VWC2L: variants seen among roughly 807,000 people sequenced by gnomAD.
The protein encoded by VWC2L is von Willebrand factor C domain-containing protein 2-like.
A neutral mutation model predicts 21.6 loss-of-function variants in VWC2L; 10 were observed. The observed-to-expected ratio is 0.46, with a 90% CI of 0.29 to 0.78. The LOEUF is 0.78. Ranked by LOEUF, VWC2L falls within the 30% of genes least tolerant of loss-of-function variation. The probability of loss-of-function intolerance (pLI) is 0.10; values close to 1 mark genes in which losing one functional copy is unlikely to be tolerated. For missense variants in VWC2L, 209 were observed against 277.1 expected (o/e 0.75, Z 1.74); for synonymous variants, 96 against 94.3 (o/e 1.02, Z -0.10).
chr2:214,518,891 C>T (rs973183337), intron 3 of VWC2L, among the ~76,000 whole-genome samples: 2 of 152,284 alleles, frequency 1.3e-5, no homozygotes, highest in South Asian at 2.1e-4. Context: ...AAAGCCCTCT[C>T]ATTTTTAAGG....
chr2:214,553,518 G>A (rs1689827612), intron 3 of VWC2L, among the ~76,000 whole-genome samples: 1 of 152,176 alleles, frequency 6.6e-6, no homozygotes, highest in African/African-American at 2.4e-5. Flanking sequence ...AAGACCTGGA[G>A]TGTCTGGGTT....
At chr2:214,482,648 AATAT>A (rs199718570) in intron 3 of VWC2L, among the ~76,000 whole-genome samples, 2 of 147,652 alleles carry the variant, frequency 1.4e-5, no homozygotes, top group African/African-American at 5.0e-5. Context: ...TTAATAAATA[AATAT>A]ATATATATAT....
At chr2:214,515,007 A>G (rs904553588) in intron 3 of VWC2L, among the ~76,000 whole-genome samples, 2 of 152,208 alleles carry the variant, frequency 1.3e-5, no homozygotes, top group African/African-American at 4.8e-5. Flanking sequence ...TCAAGAAGAG[A>G]TAAAAATGTT....
At position 214,411,526 on chromosome 2, in the gene VWC2L, T is replaced by C. The variant is rs1001798795; in HGVS notation, c.-341T>C. 6.6e-6 allele frequency: 1 copy of C among 152,260 alleles called. No individual in the cohort carries two copies. The highest frequency in any genetic ancestry group is 1.5e-5 in the Non-Finnish European group (1 of 68,062). The allele number at this position is 152,260 out of a possible 1,614,324, so 9.4% of individuals were successfully genotyped here. ...TGGATTTCTACAGGACCAGCTTTGC[T>C]TCTTGCTTTGAATTCTGAAGACAGG... is the stretch of plus-strand genomic sequence containing the variant. On this transcript the variant is annotated 5_prime_UTR_variant, in exon 1 of 4. Coordinates refer to ENST00000312504, the MANE Select transcript of VWC2L (RefSeq NM_001080500.4).
intron 3 of VWC2L, among the ~76,000 whole-genome samples, chr2:214,521,582 T>C (rs1559317115): frequency 6.6e-6 from 1 of 152,260 alleles, no homozygotes; most frequent in Admixed American, 6.5e-5. Flanking sequence ...ACTACATTTG[T>C]TGCCAATAAA....
At chr2:214,446,047 T>G (rs917660206) in intron 3 of VWC2L, among the ~76,000 whole-genome samples, 9 of 152,230 alleles carry the variant, frequency 5.9e-5, no homozygotes, top group Non-Finnish European at 1.2e-4. Flanking sequence ...TTTATGAAAC[T>G]ACGTGAAAAA....
intron 3 of VWC2L, among the ~76,000 whole-genome samples, chr2:214,530,146 A>C (rs899504517): frequency 1.3e-5 from 2 of 152,210 alleles, no homozygotes; most frequent in Non-Finnish European, 2.9e-5. Context: ...TCCTTGGCAA[A>C]GTACTTTTTA....
At chr2:214,572,582 A>T (rs2105935066) in intron 3 of VWC2L, among the ~76,000 whole-genome samples, 1 of 152,236 alleles carries the variant, frequency 6.6e-6, no homozygotes, top group East Asian at 1.9e-4. Flanking sequence ...TAAAGAACTC[A>T]TGGTGGGCTT....
chr2:214,439,240 C>T (rs186596556), intron 3 of VWC2L, among the ~76,000 whole-genome samples: 5 of 151,952 alleles, frequency 3.3e-5, no homozygotes, highest in African/African-American at 9.6e-5. Context: ...AAAACAGAAA[C>T]AGATGAATGA....
In VWC2L at chr2:214,429,740, C is replaced by T. The variant is rs556091809; in HGVS notation, c.391-6889C>T. Among the ~76,000 whole-genome samples, 15 of 152,094 alleles carry T rather than the reference C, an allele frequency of 9.9e-5. No individual in the cohort carries two copies. The South Asian group carries it at 2.9e-3, about 29-fold the overall frequency. ...CACACCATCAGTTTGTTGGTATAGG[C>T]AGAAAATTATAGGGTTACCTGCCCT... is the stretch of plus-strand genomic sequence containing the variant. On this transcript the variant is annotated intron_variant, in intron 2 of 3. Coordinates refer to ENST00000312504, the MANE Select transcript of VWC2L (RefSeq NM_001080500.4).
Position 214,439,713 on chromosome 2 carries a change from A to G in VWC2L, c.520+2955A>G, listed in dbSNP as rs549799283. On this transcript the variant is annotated intron_variant, in intron 3 of 3. Coordinates refer to ENST00000312504, the MANE Select transcript of VWC2L (RefSeq NM_001080500.4). ...ACTTTTAAAATATGATTTAAACTTTATATTAAAGATATAAACTTTTGAATG... is the reference window on the plus strand; with the variant it reads ...ACTTTTAAAATATGATTTAAACTTTGTATTAAAGATATAAACTTTTGAATG... 2.6e-5 allele frequency among the ~76,000 whole-genome samples: 4 copies of G among 152,010 alleles called. No individual in the cohort carries two copies. In the South Asian group the frequency reaches 8.3e-4, roughly 31 times the overall value.
chr2:214,490,139 G>T (rs943152235), intron 3 of VWC2L, among the ~76,000 whole-genome samples: 3 of 152,120 alleles, frequency 2.0e-5, no homozygotes, highest in Admixed American at 6.6e-5. Flanking sequence ...GAATGGATCA[G>T]TTGGATCCCA....
At chr2:214,551,577 A>G (rs1322851962) in intron 3 of VWC2L, among the ~76,000 whole-genome samples, 2 of 152,208 alleles carry the variant, frequency 1.3e-5, no homozygotes, top group Non-Finnish European at 2.9e-5. Context: ...ATTTCTGTTA[A>G]TGACTATGAT....
At chr2:214,473,079 C>T (rs1309845742) in intron 3 of VWC2L, among the ~76,000 whole-genome samples, 2 of 152,012 alleles carry the variant, frequency 1.3e-5, no homozygotes, top group Non-Finnish European at 1.5e-5. Context: ...TCCTACCACC[C>T]AATAGTCAAA....
chr2:214,573,563 A>AC (rs1690184009), intron 3 of VWC2L, among the ~76,000 whole-genome samples: 2 of 152,146 alleles, frequency 1.3e-5, no homozygotes, highest in Non-Finnish European at 2.9e-5. Context: ...CCCTGGCAAG[A>AC]CCCTGTTTGG....
chr2:214,531,377 A>G (rs1353905616), intron 3 of VWC2L, among the ~76,000 whole-genome samples: 2 of 152,170 alleles, frequency 1.3e-5, no homozygotes, highest in African/African-American at 4.8e-5. Flanking sequence ...TTTTAGATGA[A>G]GTTATTTCTT....
At chr2:214,567,595 C>CAGAGAGAGAGAG (rs10528003) in intron 3 of VWC2L, among the ~76,000 whole-genome samples, 25 of 135,300 alleles carry the variant, frequency 1.8e-4, no homozygotes, top group South Asian at 4.6e-4. Context: ...CACACACACA[C>CAGAGAGAGAGAG]AGAGAGAGAG....
intron 3 of VWC2L, among the ~76,000 whole-genome samples, chr2:214,535,324 A>T (rs1689508537): frequency 6.6e-6 from 1 of 152,062 alleles, no homozygotes; most frequent in Non-Finnish European, 1.5e-5. Context: ...ATTAATGAAC[A>T]TACTAAAGAA....
chr2:214,420,630 G>C (rs566077329), intron 2 of VWC2L, among the ~76,000 whole-genome samples: 43 of 152,316 alleles, frequency 2.8e-4, no homozygotes, highest in African/African-American at 1.0e-3. Flanking sequence ...TATGAGAATA[G>C]AGGTGCAGTT....
Sources: gnomAD v4.1 joint callset for allele counts (sites outside exome capture counted in the v4.1 genomes callset) on GRCh38, gnomAD v4.1.1 for gene constraint, MANE v1.5 for transcripts, NCBI Gene and HGNC (gene_info 2026-07-23, HGNC 2026-07-21) for gene names.